Variants in GRIN2B observed in about 807,000 individuals in gnomAD.
GRIN2B encodes glutamate receptor ionotropic, NMDA 2B.
A neutral mutation model predicts 114.5 loss-of-function variants in GRIN2B; 5 were observed. The ratio of observed to expected loss-of-function variants is 0.04; its 90% CI spans 0.02 to 0.09. GRIN2B has a LOEUF of 0.09. GRIN2B is among the 10% of genes least tolerant of loss of function. The pLI, the probability that GRIN2B is intolerant of heterozygous loss-of-function variation, is 1.00. For synonymous variants in GRIN2B, 787 were observed against 745.1 expected (o/e 1.06, Z -0.92); for missense variants, 1,108 against 1,943.5 (o/e 0.57, Z 8.08).
chr12:13,577,818 AC>A (rs1404734942), intron 10 of GRIN2B, among the ~76,000 whole-genome samples: 1 of 152,200 alleles, frequency 6.6e-6, no homozygotes, highest in Non-Finnish European at 1.5e-5. Flanking sequence ...AAAAAATCAG[AC>A]CCAGTTTTCA....
At chr12:13,635,214 A>G (rs928607904) in intron 5 of GRIN2B, among the ~76,000 whole-genome samples, 1 of 152,172 alleles carries the variant, frequency 6.6e-6, no homozygotes, top group African/African-American at 2.4e-5. Flanking sequence ...TGAGAAACGT[A>G]GACTGTGGAG....
At position 13,710,626 on chromosome 12, in the gene GRIN2B, G is replaced by C. The variant is rs1046340371; in HGVS notation, c.1011-34767C>G. ...CCAAATCATGAGTGAACTCCCATTTGCAATTGCTTCAAAGAGAATAAAATA... is the reference window on the plus strand; with the variant it reads ...CCAAATCATGAGTGAACTCCCATTTCCAATTGCTTCAAAGAGAATAAAATA... On this transcript the variant is annotated intron_variant, in intron 4 of 13. Coordinates refer to ENST00000609686, the MANE Select transcript of GRIN2B (RefSeq NM_000834.5). Among the ~76,000 whole-genome samples, 6 of 152,034 alleles carry C rather than the reference G, an allele frequency of 3.9e-5. No individual in the cohort carries two copies. In the South Asian group the frequency reaches 1.2e-3, roughly 32 times the overall value.
rs1948507599 is a variant in GRIN2B, at chr12:13,559,058, T to C, written c.*3725A>G. On this transcript the variant is annotated 3_prime_UTR_variant, in exon 14 of 14. Coordinates refer to ENST00000609686, the MANE Select transcript of GRIN2B (RefSeq NM_000834.5). ...ATCTGCGGAATCTCACAGTTTTGGATGGATTGGGTGTTGTTTCATACCCAT... is the reference window on the plus strand; with the variant it reads ...ATCTGCGGAATCTCACAGTTTTGGACGGATTGGGTGTTGTTTCATACCCAT... 1 of 152,236 alleles carries C rather than the reference T, an allele frequency of 6.6e-6. No homozygotes were observed. Among genetic ancestry groups the C allele is most frequent in the Admixed American group, 6.5e-5 (1 of 15,284 alleles). 9.4% of individuals were successfully genotyped at this position (152,236 alleles called of 1,614,324 possible). A position where few individuals can be genotyped will look rare whatever the true frequency, so the allele number is the denominator to read the frequency against.
intron 3 of GRIN2B, among the ~76,000 whole-genome samples, chr12:13,796,125 A>C (rs1025453893): frequency 3.3e-5 from 5 of 151,970 alleles, no homozygotes; most frequent in African/African-American, 1.2e-4. Context: ...TATGGTATGC[A>C]ATAAGAGTTC....
chr12:13,651,481 C>T (rs1361429069), intron 5 of GRIN2B, among the ~76,000 whole-genome samples: 1 of 152,112 alleles, frequency 6.6e-6, no homozygotes, highest in African/African-American at 2.4e-5. Flanking sequence ...AATAGCACCA[C>T]TACCTTTATA....
intron 4 of GRIN2B, among the ~76,000 whole-genome samples, chr12:13,751,954 C>T (rs1051794444): frequency 1.3e-5 from 2 of 152,116 alleles, no homozygotes; most frequent in Non-Finnish European, 2.9e-5. Context: ...AAAACCAAGA[C>T]AATCTGTGCC....
rs946192962 is a variant in GRIN2B at position 13,564,865 on chromosome 12, G to A, written c.2599-226C>T. Among the ~76,000 whole-genome samples the A allele has an allele frequency of 2.0e-5, 3 of 152,196 alleles. No homozygotes were observed. Among genetic ancestry groups the A allele is most frequent in the Non-Finnish European group, 4.4e-5 (3 of 68,030 alleles). ...AGGTCAGTGACCTGGCCATCAGAGG[G>A]GGGGGCATGGCCCCACCCAGTAACT... On this transcript the variant is annotated intron_variant, in intron 13 of 13. Transcript: ENST00000609686. The surrounding 1 kb of genome is among the most constrained non-coding windows in gnomAD (Gnocchi z 4.8).
Position 13,552,936 on chromosome 12 carries a change from C to T in GRIN2B, c.*9847G>A, listed in dbSNP as rs1031968382. On this transcript the variant is annotated 3_prime_UTR_variant, in exon 14 of 14. Coordinates refer to ENST00000609686, the MANE Select transcript of GRIN2B (RefSeq NM_000834.5). ...AAAAGAGACTTGTCACTGCCTGTAA[C>T]TTATTTGAGTTCAGTTCTCTATAGT... 1.3e-5 allele frequency: 2 copies of T among 152,058 alleles called. No individual in the cohort carries two copies. Among genetic ancestry groups the T allele is most frequent in the African/African-American group, 4.8e-5 (2 of 41,410 alleles). 9.4% of individuals were successfully genotyped at this position (152,058 alleles called of 1,614,324 possible).
At chr12:13,597,650 T>A (rs1434184275) in intron 10 of GRIN2B, among the ~76,000 whole-genome samples, 2 of 152,232 alleles carry the variant, frequency 1.3e-5, no homozygotes. Flanking sequence ...CTTGAGCCAC[T>A]TGCTTGGGCC....
chr12:13,958,206 G>C lies in GRIN2B; in HGVS notation c.-19+21722C>G, dbSNP rs189909669. The stretch of plus-strand genomic sequence containing the variant: ...TCTAGGCTGAGTTTTACTAATAGTG[G>C]ACTAATAATGGCAACACAATCTGTA... On this transcript the variant is annotated intron_variant, in intron 2 of 13. Coordinates refer to ENST00000609686, the MANE Select transcript of GRIN2B (RefSeq NM_000834.5). Among the ~76,000 whole-genome samples, 17 of 152,280 alleles carry C rather than the reference G, an allele frequency of 1.1e-4. No individual in the cohort carries two copies. In the East Asian group the frequency reaches 2.9e-3, roughly 26 times the overall value.
In GRIN2B at chr12:13,946,738, T is replaced by G. The variant is rs184149804; in HGVS notation, c.-19+33190A>C. ...ACATAAATGGTAAAATCTTATTACA[T>G]TTTATGATATGTGTATTTTACCACA... On this transcript the variant is annotated intron_variant, in intron 2 of 13. Transcript: ENST00000609686. Among the ~76,000 whole-genome samples the G allele has an allele frequency of 8.6e-3, 1,306 of 152,304 alleles. 10 individuals carry two copies. The highest frequency in any genetic ancestry group is 0.014 in the Admixed American group (207 of 15,288).
chr12:13,710,048 A>C (rs1165279286), intron 4 of GRIN2B, among the ~76,000 whole-genome samples: 1 of 152,020 alleles, frequency 6.6e-6, no homozygotes, highest in Non-Finnish European at 1.5e-5. Context: ...GAAAACAATA[A>C]ATTCTGTTAT....
At position 13,569,849 on chromosome 12, in the gene GRIN2B, G is replaced by A; in HGVS notation, c.2340C>T (p.Ile780=). 2 of 1,607,456 alleles carry A rather than the reference G, an allele frequency of 1.2e-6. No homozygotes were observed. Among genetic ancestry groups the A allele is most frequent in the Non-Finnish European group, 1.7e-6 (2 of 1,176,048 alleles). ...ACTCACCATCTCCAAAGAGCTGCAG[G>A]ATAGCAAGGTCCACCTGGCGCTTCC... ...SGWKRQVDLA[I]LQLFGDGEME... The change falls in exon 12 of 14, where the codon ATC becomes ATT. Residue 780 remains isoleucine (I), a synonymous_variant. Coordinates refer to ENST00000609686, the MANE Select transcript of GRIN2B (RefSeq NM_000834.5).
chr12:13,560,186 C>T lies in GRIN2B; in HGVS notation c.*2597G>A, dbSNP rs982762164. 6.6e-6 allele frequency: 1 copy of T among 152,146 alleles called. No individual in the cohort carries two copies. The highest frequency in any genetic ancestry group is 1.5e-5 in the Non-Finnish European group (1 of 68,022). The allele number at this position is 152,146 out of a possible 1,614,324, so 9.4% of individuals were successfully genotyped here. ...GGGGGGATGGACACAATTACTTTCC[C>T]CTGGCTTTTTCACCATAGTGGCCTC... On this transcript the variant is annotated 3_prime_UTR_variant, in exon 14 of 14. Transcript: ENST00000609686.
At chr12:13,873,070 G>A (rs972917974) in intron 2 of GRIN2B, among the ~76,000 whole-genome samples, 2 of 152,174 alleles carry the variant, frequency 1.3e-5, no homozygotes, top group African/African-American at 4.8e-5. Context: ...AACCTATAAT[G>A]AAACTGTGCT....
In GRIN2B at chr12:13,557,608, C is replaced by T. The variant is rs1163641981; in HGVS notation, c.*5175G>A. Reference sequence around the variant, plus strand: ...TGAATTTAGAAATTCATAAATTATACACTCATATGATTGTGTATTGAAAAT... The same window carrying T: ...TGAATTTAGAAATTCATAAATTATATACTCATATGATTGTGTATTGAAAAT... On this transcript the variant is annotated 3_prime_UTR_variant, in exon 14 of 14. Coordinates refer to ENST00000609686, the MANE Select transcript of GRIN2B (RefSeq NM_000834.5). 4 of 152,204 alleles carry T rather than the reference C, an allele frequency of 2.6e-5. No individual in the cohort carries two copies. The highest frequency in any genetic ancestry group is 9.7e-5 in the African/African-American group (4 of 41,450). The allele number at this position is 152,204 out of a possible 1,614,324, so 9.4% of individuals were successfully genotyped here.
rs138474771 is a variant in GRIN2B at position 13,952,944 on chromosome 12, G to A, written c.-19+26984C>T. Among the ~76,000 whole-genome samples the A allele has an allele frequency of 2.7e-3, 404 of 150,970 alleles. 3 individuals carry two copies. The highest frequency in any genetic ancestry group is 8.6e-3 in the African/African-American group (354 of 41,096). On this transcript the variant is annotated intron_variant, in intron 2 of 13. Coordinates refer to ENST00000609686, the MANE Select transcript of GRIN2B (RefSeq NM_000834.5). ...CATAAAATAACAACCAGTGTATTAC[G>A]CTCACAAATTCTGAGGGTTAGGAGT...
chr12:13,717,066 CGTGTGTGTGTGT>C lies in GRIN2B; in HGVS notation c.1010+36239_1010+36250del, dbSNP rs56360153. On this transcript the variant is annotated intron_variant, in intron 4 of 13. Coordinates refer to ENST00000609686, the MANE Select transcript of GRIN2B (RefSeq NM_000834.5). Reference sequence around the variant, plus strand: ...TGTTTGCATTGTATCATGCCATACGCGTGTGTGTGTGTGTGTGTGTGTGTGTGTGTGTGTGTA... The same window carrying C: ...TGTTTGCATTGTATCATGCCATACGCGTGTGTGTGTGTGTGTGTGTGTGTA... 6.2e-5 allele frequency among the ~76,000 whole-genome samples: 9 copies of C among 146,036 alleles called. No individual in the cohort carries two copies. The South Asian group carries it at 9.0e-4, about 15-fold the overall frequency.
chr12:13,760,976 T>C (rs555755213), intron 3 of GRIN2B, among the ~76,000 whole-genome samples: 2 of 152,322 alleles, frequency 1.3e-5, no homozygotes, highest in Non-Finnish European at 2.9e-5. Context: ...AACAGTGTCT[T>C]GCAAGATAGG....
Sources: allele counts gnomAD v4.1 joint callset (sites outside exome capture counted in the v4.1 genomes callset), GRCh38; gene constraint gnomAD v4.1.1; non-coding constraint Gnocchi (gnomAD v3.1); transcripts MANE v1.5; gene names NCBI Gene and HGNC (gene_info 2026-07-23, HGNC 2026-07-21).